The following GPC6 variants were observed in gnomAD, a reference collection of about 807,000 sequenced individuals.
GPC6 encodes glypican-6.
Under a neutral mutation model 55.2 loss-of-function variants are expected in GPC6, and 14 were observed. That is an observed-to-expected ratio of 0.25 (90% CI 0.17 to 0.40). GPC6 has a LOEUF of 0.40. Ranked by LOEUF, GPC6 falls within the 10% of genes least tolerant of loss-of-function variation. The pLI is 1.00. For synonymous variants in GPC6, 278 were observed against 259.6 expected (o/e 1.07, Z -0.68); for missense variants, 641 against 708.5 (o/e 0.90, Z 1.08).
At chr13:93,875,400 T>A (rs1889259428) in intron 3 of GPC6, among the ~76,000 whole-genome samples, 1 of 152,044 alleles carries the variant, frequency 6.6e-6, no homozygotes. Flanking sequence ...CCTTAATAAC[T>A]TTTTTAAAAG....
chr13:93,918,878 C>T lies in GPC6; in HGVS notation c.711+88333C>T, dbSNP rs1235604412. On this transcript the variant is annotated intron_variant, in intron 3 of 8. Coordinates refer to ENST00000377047, the MANE Select transcript of GPC6 (RefSeq NM_005708.5). Reference sequence around the variant, plus strand: ...CCAATTAGTAAAAGAAAGTGTCTGTCTTCATGAATCCTGAAGTATACACAC... The same window carrying T: ...CCAATTAGTAAAAGAAAGTGTCTGTTTTCATGAATCCTGAAGTATACACAC... Among the ~76,000 whole-genome samples, 8 of 152,314 alleles carry T rather than the reference C, an allele frequency of 5.3e-5. No individual in the cohort carries two copies. In the East Asian group the frequency reaches 1.2e-3, roughly 22 times the overall value.
At chr13:93,382,648 A>C (rs1875228609) in intron 1 of GPC6, among the ~76,000 whole-genome samples, 1 of 152,214 alleles carries the variant, frequency 6.6e-6, no homozygotes, top group African/African-American at 2.4e-5. Context: ...AATCTTATAA[A>C]GACATAAAAG....
intron 2 of GPC6, among the ~76,000 whole-genome samples, chr13:93,691,106 A>G (rs1162678031): frequency 6.6e-6 from 1 of 152,172 alleles, no homozygotes; most frequent in Non-Finnish European, 1.5e-5. Context: ...CCAAATAAAG[A>G]GAACACAGTA....
intron 2 of GPC6, among the ~76,000 whole-genome samples, chr13:93,781,470 ATGGATTT>A (rs2039491908): frequency 6.6e-6 from 1 of 152,200 alleles, no homozygotes; most frequent in Admixed American, 6.5e-5. Flanking sequence ...GAACCAAAAT[ATGGATTT>A]TGTACACATC....
intron 4 of GPC6, among the ~76,000 whole-genome samples, chr13:94,167,211 A>G (rs564780797): frequency 6.6e-6 from 1 of 152,330 alleles, no homozygotes; most frequent in East Asian, 1.9e-4. Context: ...AGTATTTAGA[A>G]TAAAGAATAG....
At chr13:93,725,144 G>A (rs1253079903) in intron 2 of GPC6, among the ~76,000 whole-genome samples, 2 of 152,004 alleles carry the variant, frequency 1.3e-5, no homozygotes, top group Non-Finnish European at 2.9e-5. Context: ...ACCTTGAAGA[G>A]TAGAATCAAA....
intron 2 of GPC6, among the ~76,000 whole-genome samples, chr13:93,639,607 G>A (rs1484446619): frequency 2.6e-5 from 4 of 152,106 alleles, no homozygotes; most frequent in South Asian, 2.1e-4. Context: ...GGTCCTGAGA[G>A]TGGTCAGATT....
At chr13:93,411,027 T>TAA (rs1451790855) in intron 1 of GPC6, among the ~76,000 whole-genome samples, 2 of 152,212 alleles carry the variant, frequency 1.3e-5, no homozygotes, top group Admixed American at 1.3e-4. Flanking sequence ...TTTCCCACAT[T>TAA]ACATAAACAC....
intron 4 of GPC6, among the ~76,000 whole-genome samples, chr13:94,117,937 T>C (rs1471830431): frequency 5.3e-5 from 8 of 152,152 alleles, no homozygotes; most frequent in Admixed American, 3.3e-4. Context: ...TTGGAAACAT[T>C]GAAAACTTTT....
At chr13:93,389,061 T>C (rs891960355) in intron 1 of GPC6, among the ~76,000 whole-genome samples, 3 of 152,164 alleles carry the variant, frequency 2.0e-5, no homozygotes, top group Admixed American at 6.5e-5. Context: ...TATTCTTACT[T>C]GGTGTAATGA....
intron 6 of GPC6, among the ~76,000 whole-genome samples, chr13:94,327,510 C>T (rs377424418): frequency 6.6e-6 from 1 of 152,024 alleles, no homozygotes; most frequent in Non-Finnish European, 1.5e-5. Flanking sequence ...TATCACGGTT[C>T]GTTTACTGCA....
At chr13:94,227,592 T>G (rs1890597896) in intron 4 of GPC6, among the ~76,000 whole-genome samples, 1 of 152,220 alleles carries the variant, frequency 6.6e-6, no homozygotes, top group Non-Finnish European at 1.5e-5. Flanking sequence ...ATATAGAGTT[T>G]GTGTTCCCCA....
chr13:93,556,408 GTATATA>G lies in GPC6; in HGVS notation c.319+11007_319+11012del, dbSNP rs36113667. Among the ~76,000 whole-genome samples, 373 of 130,962 alleles carry G rather than the reference GTATATA, an allele frequency of 2.8e-3. 3 individuals carry two copies. Among genetic ancestry groups the G allele is most frequent in the African/African-American group, 9.3e-3 (334 of 35,840 alleles). The allele number at this position is 130,962 out of a possible 152,430, so 85.9% of individuals were successfully genotyped here. On this transcript the variant is annotated intron_variant, in intron 2 of 8. Coordinates refer to ENST00000377047, the MANE Select transcript of GPC6 (RefSeq NM_005708.5). ...TGTGTGTGTGTGTATGTATGTATAT[GTATATA>G]TATATATATATATATATATTTTGGG...
chr13:93,677,695 A>C (rs931481124), intron 2 of GPC6, among the ~76,000 whole-genome samples: 1 of 152,154 alleles, frequency 6.6e-6, no homozygotes, highest in African/African-American at 2.4e-5. Context: ...TCTGTCATTA[A>C]TTATTGGTCA....
intron 2 of GPC6, among the ~76,000 whole-genome samples, chr13:93,569,077 CA>C (rs1391411454): frequency 3.3e-5 from 5 of 152,102 alleles, no homozygotes; most frequent in Non-Finnish European, 7.4e-5. Flanking sequence ...AGACTTTTTT[CA>C]AAGATCTTAA....
chr13:93,935,238 A>G (rs1878373935), intron 3 of GPC6, among the ~76,000 whole-genome samples: 1 of 152,150 alleles, frequency 6.6e-6, no homozygotes, highest in Non-Finnish European at 1.5e-5. Context: ...TACCCAAAAG[A>G]TAATTTTTCA....
At position 94,353,335 on chromosome 13, in the gene GPC6, G is replaced by C. The variant is rs1181138084; in HGVS notation, c.1153-29079G>C. ...TTTAATCCAAAACCTAATTTTTTTA[G>C]AATTCAATGTTTAAACAAATCATGA... is the stretch of plus-strand genomic sequence containing the variant. On this transcript the variant is annotated intron_variant, in intron 6 of 8. Coordinates refer to ENST00000377047, the MANE Select transcript of GPC6 (RefSeq NM_005708.5). Among the ~76,000 whole-genome samples the C allele has an allele frequency of 2.6e-5, 4 of 152,006 alleles. No homozygotes were observed. The East Asian group carries it at 7.7e-4, about 29-fold the overall frequency.
intron 4 of GPC6, among the ~76,000 whole-genome samples, chr13:94,233,995 C>T (rs1890804478): frequency 6.6e-6 from 1 of 152,030 alleles, no homozygotes; most frequent in Admixed American, 6.6e-5. Flanking sequence ...AATTTTAGAA[C>T]AACTGGAAGC....
At chr13:93,673,195 A>G (rs1049546074) in intron 2 of GPC6, among the ~76,000 whole-genome samples, 3 of 152,152 alleles carry the variant, frequency 2.0e-5, no homozygotes, top group Non-Finnish European at 4.4e-5. Context: ...GTGCCAGTGG[A>G]TCATTAACCA....
Sources: allele counts gnomAD v4.1 joint callset (sites outside exome capture counted in the v4.1 genomes callset), GRCh38; gene constraint gnomAD v4.1.1; transcripts MANE v1.5; gene names NCBI Gene and HGNC (gene_info 2026-07-23, HGNC 2026-07-21).